SNX30: variants seen among roughly 807,000 people sequenced by gnomAD.
SNX30 encodes sorting nexin-30.
SNX30 carries 24 observed loss-of-function variants against 46.4 expected under a neutral mutation model. The ratio of observed to expected loss-of-function variants is 0.52; its 90% CI spans 0.37 to 0.73. The LOEUF is 0.73. SNX30 is among the 30% of genes least tolerant of loss of function. The pLI, the probability that SNX30 is intolerant of heterozygous loss-of-function variation, is 0.00. For synonymous variants in SNX30, 189 were observed against 211.5 expected (o/e 0.89, Z 0.92); for missense variants, 533 against 555.7 (o/e 0.96, Z 0.41).
Position 112,873,301 on chromosome 9 carries a change from A to G in SNX30, c.*4458A>G, listed in dbSNP as rs960606613. 5.3e-5 allele frequency: 8 copies of G among 152,240 alleles called. No homozygotes were observed. The highest frequency in any genetic ancestry group is 1.0e-4 in the Non-Finnish European group (7 of 68,042). 9.4% of individuals were successfully genotyped at this position (152,240 alleles called of 1,614,324 possible). A position where few individuals can be genotyped will look rare whatever the true frequency, so the allele number is the denominator to read the frequency against. ...TATATAAACATTCTGTGTATTTAGCACTTGAAAATCAACAAATCCAGAATT... is the reference window on the plus strand; with the variant it reads ...TATATAAACATTCTGTGTATTTAGCGCTTGAAAATCAACAAATCCAGAATT... On this transcript the variant is annotated 3_prime_UTR_variant, in exon 9 of 9. Transcript: ENST00000374232.
chr9:112,750,608 CG>C (rs1839247757), upstream of SNX30, among the ~76,000 whole-genome samples: 1 of 152,070 alleles, frequency 6.6e-6, no homozygotes, highest in Non-Finnish European at 1.5e-5. Flanking sequence ...TCCTGCCGGG[CG>C]GGGGCGGGGC....
chr9:112,861,681 C>CCCTCTCCG (rs971815303), intron 7 of SNX30, among the ~76,000 whole-genome samples: 18 of 152,232 alleles, frequency 1.2e-4, no homozygotes, highest in African/African-American at 3.6e-4. Flanking sequence ...AGCTGCAGTT[C>CCCTCTCCG]CCTCTCCGTG....
At chr9:112,797,897 AGAG>A (rs1246929859) in intron 1 of SNX30, among the ~76,000 whole-genome samples, 2 of 123,902 alleles carry the variant, frequency 1.6e-5, no homozygotes, top group East Asian at 4.6e-4. Context: ...TTTTTTTAGT[AGAG>A]ACGATTTCAC....
chr9:112,878,382 GCC>G (rs1841540376), downstream of SNX30: 2 of 152,078 alleles, frequency 1.3e-5, no homozygotes, highest in African/African-American at 4.8e-5. Context: ...TGTTCCTTCT[GCC>G]TGGAATGTCC....
At chr9:112,764,373 CGTT>C (rs904184949) in intron 1 of SNX30, among the ~76,000 whole-genome samples, 3 of 152,008 alleles carry the variant, frequency 2.0e-5, no homozygotes, top group African/African-American at 4.8e-5. Flanking sequence ...TGTTTGTCGT[CGTT>C]GTTGTTGTTG....
rs531195929 is a variant in SNX30, at chr9:112,854,493, C to T, written c.1101+3548C>T. On this transcript the variant is annotated intron_variant, in intron 7 of 8. Transcript: ENST00000374232. ...CTAGTCCGTCCTGAACACACATCTG[C>T]GATCTCTTAGCACACTGTGGCTGGG... Among the ~76,000 whole-genome samples, 17 of 152,370 alleles carry T rather than the reference C, an allele frequency of 1.1e-4. 1 individual carries two copies. The South Asian group carries it at 2.9e-3, about 26-fold the overall frequency.
intron 1 of SNX30, among the ~76,000 whole-genome samples, chr9:112,796,436 T>TC (rs1840108348): frequency 6.6e-6 from 1 of 152,140 alleles, no homozygotes. Context: ...ACGCCGTGTG[T>TC]CCCGTGGTAC....
upstream of SNX30, chr9:112,750,316 C>G (rs1036903278): frequency 6.6e-6 from 1 of 152,242 alleles, no homozygotes; most frequent in South Asian, 2.1e-4. Context: ...CCTTGTCGCC[C>G]TTTATGCTAT....
intron 1 of SNX30, among the ~76,000 whole-genome samples, chr9:112,757,875 G>A (rs1011561380): frequency 5.3e-5 from 8 of 152,074 alleles, no homozygotes; most frequent in Admixed American, 5.2e-4. Flanking sequence ...TACAACCAGG[G>A]TTCTCAGGAA....
intron 8 of SNX30, among the ~76,000 whole-genome samples, chr9:112,865,653 A>ATGTGTGTGTGTGTGTGTGTG (rs1219477432): frequency 8.1e-5 from 9 of 110,430 alleles, no homozygotes; most frequent in East Asian, 2.6e-4. Context: ...ATATATATAT[A>ATGTGTGTGTGTGTGTGTGTG]TATATATATG....
rs751822801 is a variant in SNX30 at position 112,817,670 on chromosome 9, C to G, written c.349-35C>G. 3.2e-6 allele frequency: 4 copies of G among 1,269,164 alleles called. No homozygotes were observed. In the African/African-American group the frequency reaches 4.4e-5, roughly 14 times the overall value. The allele number at this position is 1,269,164 out of a possible 1,614,324, so 78.6% of individuals were successfully genotyped here. A position where few individuals can be genotyped will look rare whatever the true frequency, so the allele number is the denominator to read the frequency against. On this transcript the variant is annotated intron_variant, in intron 2 of 8. Coordinates refer to ENST00000374232, the MANE Select transcript of SNX30 (RefSeq NM_001012994.2). ...CCCTTCAGCCAAGATATGCTATTCC[C>G]TTATGCTTATTTTTTTCCATTCTCT...
intron 1 of SNX30, among the ~76,000 whole-genome samples, chr9:112,797,442 C>G (rs1274012103): frequency 6.6e-6 from 1 of 152,104 alleles, no homozygotes; most frequent in Non-Finnish European, 1.5e-5. Flanking sequence ...TCATTTATAT[C>G]CCCACCTACT....
chr9:112,830,234 T>TA (rs1383082205), intron 3 of SNX30, among the ~76,000 whole-genome samples: 2 of 152,156 alleles, frequency 1.3e-5, no homozygotes, highest in African/African-American at 4.8e-5. Context: ...CTATAAAAGG[T>TA]ATTTTTTTTA....
intron 1 of SNX30, among the ~76,000 whole-genome samples, chr9:112,782,113 C>T (rs1391582362): frequency 6.6e-6 from 1 of 152,076 alleles, no homozygotes; most frequent in African/African-American, 2.4e-5. Flanking sequence ...ATTGTCCAGG[C>T]TGGAGTGCAA....
intron 5 of SNX30, 76 bp downstream of exon 5, chr9:112,836,485 A>G (rs1840753561): frequency 6.9e-7 from 1 of 1,451,292 alleles, no homozygotes; most frequent in Non-Finnish European, 9.4e-7. Flanking sequence ...TGCTACAGAG[A>G]ATCAAACTGC....
chr9:112,883,178 G>T (rs1346724923), downstream of SNX30, among the ~76,000 whole-genome samples: 3 of 152,314 alleles, frequency 2.0e-5, no homozygotes, highest in East Asian at 5.8e-4. Flanking sequence ...GTGAATGGGA[G>T]TGGGGGAGTG....
At chr9:112,770,594 C>T (rs1839633152) in intron 1 of SNX30, among the ~76,000 whole-genome samples, 2 of 152,326 alleles carry the variant, frequency 1.3e-5, no homozygotes, top group South Asian at 4.1e-4. Flanking sequence ...CCTCCGTCCA[C>T]TTCTCTCTCC....
intron 1 of SNX30, among the ~76,000 whole-genome samples, chr9:112,773,362 A>G (rs1839683631): frequency 2.0e-5 from 3 of 152,208 alleles, no homozygotes; most frequent in Middle Eastern, 3.4e-3. Context: ...TATGAACAAC[A>G]TACTTTATAT....
intron 5 of SNX30, among the ~76,000 whole-genome samples, chr9:112,880,714 C>T (rs929622614): frequency 6.6e-6 from 1 of 152,204 alleles, no homozygotes; most frequent in Non-Finnish European, 1.5e-5. Context: ...GGCAATTGAA[C>T]TTGGTGGTCC....
Sources: allele counts gnomAD v4.1 joint callset (sites outside exome capture counted in the v4.1 genomes callset), GRCh38; gene constraint gnomAD v4.1.1; transcripts MANE v1.5; gene names NCBI Gene and HGNC (gene_info 2026-07-23, HGNC 2026-07-21).